The following PCDHGA12 variants were observed in gnomAD, a reference collection of about 807,000 sequenced individuals.
The protein encoded by PCDHGA12 is protocadherin gamma subfamily A, 12.
PCDHGA12 carries 43 observed loss-of-function variants against 61.1 expected under a neutral mutation model. That is an observed-to-expected ratio of 0.70 (90% CI 0.55 to 0.91). The LOEUF (loss-of-function observed/expected upper bound fraction) is 0.91. Among genes scored for constraint, PCDHGA12 ranks in the 40% least tolerant of loss-of-function variants. The pLI, the probability that PCDHGA12 is intolerant of heterozygous loss-of-function variation, is 0.00. For synonymous variants in PCDHGA12, 520 were observed against 542.9 expected (o/e 0.96, Z 0.59); for missense variants, 1,236 against 1,227.7 (o/e 1.01, Z -0.10).
chr5:141,433,255 A>G (rs2097579829), intron 1 of PCDHGA12, 72 bp downstream of exon 1: 2 of 1,401,470 alleles, frequency 1.4e-6, no homozygotes, highest in South Asian at 1.4e-5. Context: ...ATGCAGCGGT[A>G]CGATCATAGC....
At chr5:141,444,578 C>G (rs1030770037) in intron 1 of PCDHGA12, among the ~76,000 whole-genome samples, 1 of 152,134 alleles carries the variant, frequency 6.6e-6, no homozygotes, top group Non-Finnish European at 1.5e-5. Context: ...TTGACTCTTC[C>G]TTTCTACTTA....
At chr5:141,483,122 A>G (rs1159736878) in intron 1 of PCDHGA12, among the ~76,000 whole-genome samples, 1 of 152,166 alleles carries the variant, frequency 6.6e-6, no homozygotes, top group Non-Finnish European at 1.5e-5. Context: ...CAGTCTTTGT[A>G]GGAGATGAGG....
Position 141,456,465 on chromosome 5 carries a change from C to T in PCDHGA12, c.2424+23282C>T, listed in dbSNP as rs553441797. ...ACAGAGTCCAAATATCAATACAAGA[C>T]ATATAAGCAAGAGAGTGCTTAATAA... On this transcript the variant is annotated intron_variant, in intron 1 of 3. Coordinates refer to ENST00000252085, the MANE Select transcript of PCDHGA12 (RefSeq NM_003735.3). 2.6e-5 allele frequency among the ~76,000 whole-genome samples: 4 copies of T among 152,212 alleles called. No homozygotes were observed. In the East Asian group the frequency reaches 7.7e-4, roughly 29 times the overall value.
Position 141,432,878 on chromosome 5 carries a change from TTCGTCA to T in PCDHGA12, c.2122_2127del (p.Val708_Ile709del). 6.2e-7 allele frequency: 1 copy of T among 1,614,178 alleles called. No individual in the cohort carries two copies. The highest frequency in any genetic ancestry group is 1.7e-5 in the Admixed American group (1 of 60,036). Reference sequence around the variant, plus strand: ...CGCGGTCTCCTGCGTCTTCCTGGCCTTCGTCATCTTGCTGCTGGCGCTCAGGCTGCG... The same window carrying T: ...CGCGGTCTCCTGCGTCTTCCTGGCCTTCTTGCTGCTGGCGCTCAGGCTGCG... On this transcript the variant is annotated inframe_deletion, in exon 1 of 4. Transcript: ENST00000252085. This position sits in a 1 kb window ranked among gnomAD's most constrained non-coding sequence, Gnocchi z 6.0.
chr5:141,454,990 T>C (rs548911982), intron 1 of PCDHGA12, among the ~76,000 whole-genome samples: 1 of 151,490 alleles, frequency 6.6e-6, no homozygotes, highest in African/African-American at 2.4e-5. Context: ...TAAAAAATAT[T>C]TTTAGTAGAG....
At chr5:141,507,450 CAG>C (rs940460926) in intron 3 of PCDHGA12, among the ~76,000 whole-genome samples, 3 of 152,168 alleles carry the variant, frequency 2.0e-5, no homozygotes, top group African/African-American at 7.2e-5. Flanking sequence ...GACGGAAGGA[CAG>C]AGAGAGAGGT....
intron 1 of PCDHGA12, chr5:141,484,931 A>T: frequency 4.0e-6 from 2 of 498,120 alleles, no homozygotes; most frequent in South Asian, 5.3e-5. Context: ...TGCTGTTGGG[A>T]CGTTCTCTGC....
At chr5:141,481,441 T>C (rs1397908285) in intron 1 of PCDHGA12, among the ~76,000 whole-genome samples, 1 of 152,250 alleles carries the variant, frequency 6.6e-6, no homozygotes, top group East Asian at 1.9e-4. Context: ...ATCAGTTTAG[T>C]ACATGTAAAT....
chr5:141,448,421 A>G (rs1380029405), intron 1 of PCDHGA12, among the ~76,000 whole-genome samples: 1 of 152,132 alleles, frequency 6.6e-6, no homozygotes, highest in Non-Finnish European at 1.5e-5. Flanking sequence ...ACAATATACT[A>G]TGTATATATT....
Position 141,485,418 on chromosome 5 carries a change from G to A in PCDHGA12, c.2425-9389G>A. ...CACTTCCGTGTGGATTTGGACAGCG[G>A]AGCCCTGCTCATCAAGAACCCAATC... On this transcript the variant is annotated intron_variant, in intron 1 of 3. Transcript: ENST00000252085. This position sits in a 1 kb window ranked among gnomAD's most constrained non-coding sequence, Gnocchi z 5.7. 6.2e-7 allele frequency: 1 copy of A among 1,614,174 alleles called. No homozygotes were observed. The highest frequency in any genetic ancestry group is 8.5e-7 in the Non-Finnish European group (1 of 1,180,042).
chr5:141,485,408 T>C lies in PCDHGA12; in HGVS notation c.2425-9399T>C. On this transcript the variant is annotated intron_variant, in intron 1 of 3. Transcript: ENST00000252085. The surrounding 1 kb of genome is among the most constrained non-coding windows in gnomAD (Gnocchi z 5.7). ...GAACCAAAGACACTTCCGTGTGGAT[T>C]TGGACAGCGGAGCCCTGCTCATCAA... 1 of 1,614,112 alleles carries C rather than the reference T, an allele frequency of 6.2e-7. No individual in the cohort carries two copies. Among genetic ancestry groups the C allele is most frequent in the Non-Finnish European group, 8.5e-7 (1 of 1,180,034 alleles).
chr5:141,475,977 A>C, intron 1 of PCDHGA12: 1 of 972,828 alleles, frequency 1.0e-6, no homozygotes, highest in Non-Finnish European at 1.5e-6. Flanking sequence ...GAGACTGAAC[A>C]GCCGGCGAGC....
In PCDHGA12 at chr5:141,491,632, C is replaced by T; in HGVS notation, c.2425-3175C>T. On this transcript the variant is annotated intron_variant, in intron 1 of 3. Transcript: ENST00000252085. This position sits in a 1 kb window ranked among gnomAD's most constrained non-coding sequence, Gnocchi z 6.9. ...TCTAAGACCCCTCAGCGTTCAGCAG[C>T]CCACAGCTCTGGCGCTGGAGCCTGA... 1.2e-6 allele frequency: 2 copies of T among 1,613,886 alleles called. No individual in the cohort carries two copies. The highest frequency in any genetic ancestry group is 1.7e-6 in the Non-Finnish European group (2 of 1,179,994).
intron 1 of PCDHGA12, among the ~76,000 whole-genome samples, chr5:141,462,029 G>A (rs535977332): frequency 6.6e-6 from 1 of 152,260 alleles, no homozygotes; most frequent in East Asian, 1.9e-4. Context: ...CTTCATGTTG[G>A]TCAGGCGGGT....
At chr5:141,451,288 C>G (rs1308574266) in intron 1 of PCDHGA12, among the ~76,000 whole-genome samples, 3 of 152,200 alleles carry the variant, frequency 2.0e-5, no homozygotes, top group Non-Finnish European at 4.4e-5. Context: ...GCCTCTGCCT[C>G]AAAGTCTTAC....
At chr5:141,460,331 A>T (rs537463160) in intron 1 of PCDHGA12, among the ~76,000 whole-genome samples, 3 of 152,212 alleles carry the variant, frequency 2.0e-5, no homozygotes, top group African/African-American at 7.2e-5. Flanking sequence ...AAAACTTATG[A>T]TGATTTTCTC....
At chr5:141,470,599 C>T (rs967683467) in intron 1 of PCDHGA12, among the ~76,000 whole-genome samples, 12 of 152,194 alleles carry the variant, frequency 7.9e-5, no homozygotes, top group Non-Finnish European at 1.2e-4. Context: ...GCGACCTGTG[C>T]GGGGACACAG....
At chr5:141,478,408 G>C in intron 1 of PCDHGA12, 1 of 1,613,340 alleles carries the variant, frequency 6.2e-7, no homozygotes, top group Non-Finnish European at 8.5e-7. Flanking sequence ...ATCTCACCAC[G>C]GACTCCCGCC....
In PCDHGA12 at chr5:141,491,359, G is replaced by C. The variant is rs764159829; in HGVS notation, c.2425-3448G>C. 3 of 1,614,154 alleles carry C rather than the reference G, an allele frequency of 1.9e-6. No homozygotes were observed. In the East Asian group the frequency reaches 6.7e-5, roughly 36 times the overall value. On this transcript the variant is annotated intron_variant, in intron 1 of 3. Coordinates refer to ENST00000252085, the MANE Select transcript of PCDHGA12 (RefSeq NM_003735.3). This position sits in a 1 kb window ranked among gnomAD's most constrained non-coding sequence, Gnocchi z 6.9. ...AGCGACCGTCAGTCTCTTATCCCTA[G>C]TCACCTTCACCTTTCTGTCAGCGAA...
Sources: gnomAD v4.1 joint callset for allele counts (sites outside exome capture counted in the v4.1 genomes callset) on GRCh38, gnomAD v4.1.1 for gene constraint, Gnocchi (gnomAD v3.1) non-coding constraint, MANE v1.5 for transcripts, NCBI Gene and HGNC (gene_info 2026-07-23, HGNC 2026-07-21) for gene names.